The following FAM163A variants were observed in gnomAD, a reference collection of about 807,000 sequenced individuals.
FAM163A encodes the protein protein FAM163A.
In FAM163A, 7 loss-of-function variants were observed where a neutral mutation model predicts 12.0. That is an observed-to-expected ratio of 0.58 (90% CI 0.33 to 1.10). The LOEUF is 1.10. FAM163A is among the 50% of genes least tolerant of loss of function. The probability of loss-of-function intolerance (pLI) is 0.03; values close to 1 mark genes in which losing one functional copy is unlikely to be tolerated. For missense variants in FAM163A, 202 were observed against 218.6 expected, an observed-to-expected ratio of 0.92 and a Z score of 0.48; for synonymous variants, 101 against 91.0, an observed-to-expected ratio of 1.11 and a Z score of -0.62.
intron 1 of FAM163A, among the ~76,000 whole-genome samples, chr1:179,783,787 AATTT>A (rs981146742): frequency 9.6e-5 from 14 of 146,180 alleles, no homozygotes; most frequent in Non-Finnish European, 1.3e-4. Flanking sequence ...TATATTATAT[AATTT>A]ATTATATAAT....
chr1:179,767,342 C>T (rs1355165391), intron 1 of FAM163A, among the ~76,000 whole-genome samples: 1 of 152,158 alleles, frequency 6.6e-6, no homozygotes, highest in Admixed American at 6.5e-5. Flanking sequence ...GCTAAAAGCA[C>T]TCTGCAGACC....
chr1:179,800,885 A>ACTCATTTTC (rs1693076965), intron 1 of FAM163A, among the ~76,000 whole-genome samples: 1 of 152,048 alleles, frequency 6.6e-6, no homozygotes, highest in Admixed American at 6.5e-5. Flanking sequence ...GGAATAACAA[A>ACTCATTTTC]CTCATTTTCA....
chr1:179,766,824 T>A (rs1040795919), intron 1 of FAM163A, among the ~76,000 whole-genome samples: 1 of 152,072 alleles, frequency 6.6e-6, no homozygotes, highest in African/African-American at 2.4e-5. Flanking sequence ...GGCACAATCT[T>A]GGCTCACTGC....
Position 179,814,096 on chromosome 1 carries a change from C to T in FAM163A, c.411C>T (p.Leu137=). Residue 137 remains leucine, a synonymous_variant, in exon 5 of 5, where the codon CTC becomes CTT. Transcript: ENST00000341785. ...TYYKEGGPPS[L]KLAAPQSYPV... is the part of the protein sequence containing the mutation. ...ACAAAGAGGGGGGACCCCCATCCCT[C>T]AAATTGGCAGCACCCCAGAGTTACC... 1 of 1,614,224 alleles carries T rather than the reference C, an allele frequency of 6.2e-7. No individual in the cohort carries two copies. Among genetic ancestry groups the T allele is most frequent in the Non-Finnish European group, 8.5e-7 (1 of 1,180,028 alleles).
chr1:179,732,880 CAAAAAAAAAAAAAA>C, the FAM163A span, among the ~76,000 whole-genome samples: 4 of 39,132 alleles, frequency 1.0e-4, no homozygotes, highest in Non-Finnish European at 1.8e-4. Context: ...GACTCTGCCT[CAAAAAAAAAAAAAA>C]AAAAAAAAAA....
Position 179,814,074 on chromosome 1 carries a change from A to C in FAM163A, c.389A>C (p.Lys130Thr). 1 of 1,614,084 alleles carries C rather than the reference A, an allele frequency of 6.2e-7. No homozygotes were observed. Among genetic ancestry groups the C allele is most frequent in the South Asian group, 1.1e-5 (1 of 91,054 alleles). Residue 130 changes from lysine to threonine, a missense_variant, in exon 5 of 5, where the codon AAA becomes ACA. By Grantham distance (78) the Lys-to-Thr change is moderately conservative (BLOSUM62 -1). Coordinates refer to ENST00000341785, the MANE Select transcript of FAM163A (RefSeq NM_173509.3). ...CTCTCCTTTGCTCCCACATACTACA[A>C]AGAGGGGGGACCCCCATCCCTCAAA... Reference protein sequence around the residue: ...ERLSFAPTYYKEGGPPSLKLA... With the variant: ...ERLSFAPTYYTEGGPPSLKLA...
chr1:179,753,078 A>G (rs868462334), intron 1 of FAM163A, among the ~76,000 whole-genome samples: 83 of 152,362 alleles, frequency 5.4e-4, no homozygotes, highest in African/African-American at 1.9e-3. Flanking sequence ...TTTTTAAAAA[A>G]TCCATGCATA....
chr1:179,815,150 C>CAG lies in FAM163A; in HGVS notation c.*962_*963dup, dbSNP rs1557990846. ...ACACACACACACACACACACACACACAGTAACCACGGGTAGGCACCAGGGG... is the reference window on the plus strand; with the variant it reads ...ACACACACACACACACACACACACACAGAGTAACCACGGGTAGGCACCAGGGG... On this transcript the variant is annotated 3_prime_UTR_variant, in exon 5 of 5. Coordinates refer to ENST00000341785, the MANE Select transcript of FAM163A (RefSeq NM_173509.3). The CAG allele has an allele frequency of 1.9e-3, 293 of 150,514 alleles. No homozygotes were observed. Among genetic ancestry groups the CAG allele is most frequent in the Admixed American group, 4.3e-3 (62 of 14,578 alleles). The allele number at this position is 150,514 out of a possible 1,614,324, so 9.3% of individuals were successfully genotyped here. A position where few individuals can be genotyped will look rare whatever the true frequency, so the allele number is the denominator to read the frequency against.
At chr1:179,749,981 T>C (rs967589863) in intron 1 of FAM163A, among the ~76,000 whole-genome samples, 4 of 152,224 alleles carry the variant, frequency 2.6e-5, no homozygotes, top group Non-Finnish European at 5.9e-5. Context: ...TCAGCTTATT[T>C]ATTGTCTGTG....
intron 1 of FAM163A, among the ~76,000 whole-genome samples, chr1:179,778,254 A>G (rs1357754301): frequency 2.0e-5 from 3 of 152,194 alleles, no homozygotes; most frequent in African/African-American, 7.2e-5. Flanking sequence ...CGAGGAGGCC[A>G]GAGCAGCCTC....
chr1:179,810,355 G>A (rs1371336578), intron 2 of FAM163A, among the ~76,000 whole-genome samples: 2 of 152,118 alleles, frequency 1.3e-5, no homozygotes, highest in Non-Finnish European at 2.9e-5. Flanking sequence ...GAAAAAGAAA[G>A]GCCACACGCT....
At chr1:179,757,169 A>G (rs10798721) in intron 1 of FAM163A, among the ~76,000 whole-genome samples, 38,080 of 152,036 alleles carry the variant, frequency 0.25, 5,381 homozygotes, top group East Asian at 0.63. Context: ...AGTAGCTATG[A>G]GTGGGATGTG....
At chr1:179,805,387 G>A (rs574934425) in intron 1 of FAM163A, among the ~76,000 whole-genome samples, 8 of 152,078 alleles carry the variant, frequency 5.3e-5, no homozygotes, top group African/African-American at 1.2e-4. Context: ...GGGTGGTGGC[G>A]GGCGCCTATA....
chr1:179,756,861 G>C (rs566022570), intron 1 of FAM163A, among the ~76,000 whole-genome samples: 1 of 152,300 alleles, frequency 6.6e-6, no homozygotes, highest in East Asian at 1.9e-4. Flanking sequence ...CAGTAGGAGT[G>C]TCTAGTCAGC....
chr1:179,793,407 C>T (rs1434703159), intron 1 of FAM163A, among the ~76,000 whole-genome samples: 2 of 152,216 alleles, frequency 1.3e-5, no homozygotes, highest in African/African-American at 4.8e-5. Flanking sequence ...TCAGAAGGCT[C>T]ATCATCTATC....
intron 1 of FAM163A, among the ~76,000 whole-genome samples, chr1:179,790,463 T>C (rs1032642175): frequency 1.3e-5 from 2 of 152,124 alleles, no homozygotes; most frequent in African/African-American, 2.4e-5. Flanking sequence ...TGACAGTCTC[T>C]AGAATTCACA....
chr1:179,744,463 C>T (rs1344305123), intron 1 of FAM163A, among the ~76,000 whole-genome samples: 3 of 152,128 alleles, frequency 2.0e-5, no homozygotes, highest in African/African-American at 7.2e-5. Flanking sequence ...CGCCGGGGCC[C>T]TGGGTGGGTG....
chr1:179,734,551 C>T, the FAM163A span, among the ~76,000 whole-genome samples: 1 of 152,184 alleles, frequency 6.6e-6, no homozygotes, highest in Non-Finnish European at 1.5e-5. Context: ...CTGGTGGAGG[C>T]CCACTTCCTG....
intron 1 of FAM163A, among the ~76,000 whole-genome samples, chr1:179,788,559 G>A (rs979369849): frequency 3.3e-5 from 5 of 152,146 alleles, no homozygotes; most frequent in South Asian, 2.1e-4. Flanking sequence ...TCGGGTTTGC[G>A]GATCCTAGCC....
Sources: gnomAD v4.1 joint callset for allele counts (sites outside exome capture counted in the v4.1 genomes callset) on GRCh38, gnomAD v4.1.1 for gene constraint, MANE v1.5 for transcripts, NCBI Gene and HGNC (gene_info 2026-07-23, HGNC 2026-07-21) for gene names.